ADAMTSL1: variants seen among roughly 807,000 people sequenced by gnomAD.
The protein encoded by ADAMTSL1 is ADAMTS-like protein 1.
A neutral mutation model predicts 201.8 loss-of-function variants in ADAMTSL1; 126 were observed. The ratio of observed to expected loss-of-function variants is 0.62; its 90% CI spans 0.54 to 0.72. ADAMTSL1 has a LOEUF of 0.72. Among genes scored for constraint, ADAMTSL1 ranks in the 30% least tolerant of loss-of-function variants. ADAMTSL1 has a pLI of 0.00. For missense variants in ADAMTSL1, 2,679 were observed against 2,277.8 expected, an observed-to-expected ratio of 1.18 and a Z score of -3.59; for synonymous variants, 1,121 against 903.4, an observed-to-expected ratio of 1.24 and a Z score of -4.32.
intron 2 of ADAMTSL1, among the ~76,000 whole-genome samples, chr9:18,515,683 C>T (rs527825414): frequency 4.6e-5 from 7 of 152,188 alleles, no homozygotes; most frequent in African/African-American, 1.4e-4. Flanking sequence ...GTAAAATGAT[C>T]GAGTCCGCCA....
intron 2 of ADAMTSL1, among the ~76,000 whole-genome samples, chr9:18,531,071 C>T (rs1302065832): frequency 6.6e-6 from 1 of 152,190 alleles, no homozygotes; most frequent in Non-Finnish European, 1.5e-5. Flanking sequence ...TCAGCAATAG[C>T]ACCAAGAACA....
At chr9:18,269,860 T>TTA (rs397953460) in intron 2 of ADAMTSL1, among the ~76,000 whole-genome samples, 1 of 141,138 alleles carries the variant, frequency 7.1e-6, no homozygotes, top group Non-Finnish European at 1.6e-5. Context: ...TTTTTTTTTT[T>TTA]AATTTGTGCA....
intron 1 of ADAMTSL1, among the ~76,000 whole-genome samples, chr9:18,079,083 C>T (rs1284968674): frequency 1.3e-5 from 2 of 152,140 alleles, no homozygotes; most frequent in African/African-American, 4.8e-5. Flanking sequence ...AGATGCAGCC[C>T]TCATTAGGGT....
At chr9:17,959,075 T>G (rs989178682) in intron 1 of ADAMTSL1, among the ~76,000 whole-genome samples, 1 of 152,190 alleles carries the variant, frequency 6.6e-6, no homozygotes, top group African/African-American at 2.4e-5. Flanking sequence ...TATAGTATTA[T>G]TTTTATTTGC....
rs955860576 is a variant in ADAMTSL1 at position 18,629,985 on chromosome 9, TTTTG to T, written c.602-5946_602-5943del. Reference sequence around the variant, plus strand: ...TTTTCACTTTAATATGTGCTGTTTTTTTTGTTTGTTTGTTTCTTTGCGTGCCTCA... The same window carrying T: ...TTTTCACTTTAATATGTGCTGTTTTTTTTGTTTGTTTCTTTGCGTGCCTCA... On this transcript the variant is annotated intron_variant, in intron 5 of 28. Coordinates refer to ENST00000380548, the MANE Select transcript of ADAMTSL1 (RefSeq NM_001040272.6). 2.4e-4 allele frequency among the ~76,000 whole-genome samples: 37 copies of T among 152,310 alleles called. 1 individual carries two copies. Among genetic ancestry groups the T allele is most frequent in the Admixed American group, 2.4e-3 (37 of 15,298 alleles).
At position 18,136,068 on chromosome 9, in the gene ADAMTSL1, C is replaced by T. The variant is rs146444671; in HGVS notation, c.88-27794C>T. 4.1e-3 allele frequency among the ~76,000 whole-genome samples: 626 copies of T among 152,276 alleles called. 3 individuals are homozygous for T. The highest frequency in any genetic ancestry group is 0.014 in the African/African-American group (578 of 41,562). On this transcript the variant is annotated intron_variant, in intron 1 of 29. Transcript: ENST00000680146. ...CCCTCTTACTCTGTAACCCATGCCT[C>T]GCACTGCCTCCCTCAGTCACATAAT...
At chr9:18,881,988 C>A (rs2131511948) in intron 23 of ADAMTSL1, among the ~76,000 whole-genome samples, 1 of 152,252 alleles carries the variant, frequency 6.6e-6, no homozygotes, top group Non-Finnish European at 1.5e-5. Flanking sequence ...CTCACTATGG[C>A]CTCTGATTCC....
chr9:17,943,549 C>T (rs1445571898), intron 1 of ADAMTSL1, among the ~76,000 whole-genome samples: 3 of 152,052 alleles, frequency 2.0e-5, no homozygotes, highest in African/African-American at 7.2e-5. Flanking sequence ...GGCATAGACA[C>T]ACTTGTTTTG....
In ADAMTSL1 at chr9:17,983,075, TC is replaced by T. The variant is rs200503737; in HGVS notation, c.87+76154del. On this transcript the variant is annotated intron_variant, in intron 1 of 29. Coordinates refer to the ADAMTSL1 transcript ENST00000680146. ...TTTTTCTTTTCTTTCTTTCTTTCTT[TC>T]TTTTTTTTTTTTGAGACTGAATCTT... Among the ~76,000 whole-genome samples, 828 of 126,626 alleles carry T rather than the reference TC, an allele frequency of 6.5e-3. 42 individuals are homozygous for T. Among genetic ancestry groups the T allele is most frequent in the African/African-American group, 0.019 (672 of 34,958 alleles). The allele number at this position is 126,626 out of a possible 152,430, so 83.1% of individuals were successfully genotyped here. A position where few individuals can be genotyped will look rare whatever the true frequency, so the allele number is the denominator to read the frequency against.
intron 1 of ADAMTSL1, among the ~76,000 whole-genome samples, chr9:18,492,330 T>C (rs1305454303): frequency 6.6e-6 from 1 of 152,218 alleles, no homozygotes; most frequent in Non-Finnish European, 1.5e-5. Flanking sequence ...GGGAGACTTT[T>C]GCTTACAAGT....
At chr9:18,210,188 C>T (rs1289599151) in intron 2 of ADAMTSL1, among the ~76,000 whole-genome samples, 1 of 151,592 alleles carries the variant, frequency 6.6e-6, no homozygotes, top group Non-Finnish European at 1.5e-5. Context: ...CCAGCTAATA[C>T]TCCATTTTCT....
chr9:17,962,764 T>C (rs1368965981), intron 1 of ADAMTSL1, among the ~76,000 whole-genome samples: 1 of 152,258 alleles, frequency 6.6e-6, no homozygotes, highest in African/African-American at 2.4e-5. Context: ...TCAGGTATGC[T>C]TTCATCTGTT....
intron 23 of ADAMTSL1, among the ~76,000 whole-genome samples, chr9:18,846,845 A>C (rs964134298): frequency 6.6e-6 from 1 of 152,230 alleles, no homozygotes; most frequent in Non-Finnish European, 1.5e-5. Context: ...GAAGGGAAAC[A>C]TCAGCCATAG....
chr9:18,399,939 A>G (rs987010488), intron 2 of ADAMTSL1, among the ~76,000 whole-genome samples: 1 of 152,138 alleles, frequency 6.6e-6, no homozygotes, highest in Admixed American at 6.5e-5. Context: ...AAAAACCACA[A>G]TAACAACAAC....
chr9:18,408,456 G>A (rs567967099), intron 2 of ADAMTSL1, among the ~76,000 whole-genome samples: 1 of 151,972 alleles, frequency 6.6e-6, no homozygotes, highest in Non-Finnish European at 1.5e-5. Flanking sequence ...GGGTGATAGA[G>A]TGAGACACTC....
intron 1 of ADAMTSL1, among the ~76,000 whole-genome samples, chr9:18,056,399 A>T (rs191522559): frequency 7.2e-5 from 11 of 152,274 alleles, no homozygotes; most frequent in African/African-American, 2.6e-4. Flanking sequence ...GCCTCCAGTT[A>T]TGGCTCAACC....
chr9:18,496,370 C>T (rs1201955432), intron 1 of ADAMTSL1, among the ~76,000 whole-genome samples: 1 of 152,234 alleles, frequency 6.6e-6, no homozygotes, highest in Admixed American at 6.5e-5. Flanking sequence ...CAATCCCACA[C>T]ATCCTACAAT....
intron 13 of ADAMTSL1, among the ~76,000 whole-genome samples, chr9:18,689,520 T>A (rs35053966): frequency 0.25 from 38,466 of 151,558 alleles, 5,784 homozygotes; most frequent in Non-Finnish European, 0.35. Context: ...TCATATTTTT[T>A]AAAAAAAAGG....
At chr9:18,667,177 T>C (rs1287978805) in intron 9 of ADAMTSL1, among the ~76,000 whole-genome samples, 1 of 151,718 alleles carries the variant, frequency 6.6e-6, no homozygotes, top group African/African-American at 2.4e-5. Context: ...CAAACTTGTA[T>C]ACCCCCAAGC....
Sources: gnomAD v4.1 joint callset for allele counts (sites outside exome capture counted in the v4.1 genomes callset) on GRCh38, gnomAD v4.1.1 for gene constraint, MANE v1.5 for transcripts, NCBI Gene and HGNC (gene_info 2026-07-23, HGNC 2026-07-21) for gene names.